The following FOCAD variants were observed in gnomAD, a reference collection of about 807,000 sequenced individuals.
The protein encoded by FOCAD is KIAA1797.
In FOCAD, 198 loss-of-function variants were observed where a neutral mutation model predicts 225.6. The observed-to-expected ratio is 0.88, with a 90% CI of 0.78 to 0.99. FOCAD has a LOEUF of 0.99. Ranked by LOEUF, FOCAD falls within the 50% of genes least tolerant of loss-of-function variation. FOCAD has a pLI of 0.00. For missense variants in FOCAD, 2,713 were observed against 2,123.6 expected, an observed-to-expected ratio of 1.28 and a Z score of -5.46; for synonymous variants, 897 against 755.0, an observed-to-expected ratio of 1.19 and a Z score of -3.08.
chr9:20,865,384 G>T (rs1164681043), intron 16 of FOCAD, among the ~76,000 whole-genome samples: 1 of 152,072 alleles, frequency 6.6e-6, no homozygotes, highest in Admixed American at 6.6e-5. Context: ...TGGCAATGAA[G>T]AAGACCACCG....
intron 10 of FOCAD, among the ~76,000 whole-genome samples, chr9:20,783,163 A>G (rs1389992541): frequency 6.6e-6 from 1 of 152,150 alleles, no homozygotes; most frequent in Non-Finnish European, 1.5e-5. Flanking sequence ...CCCCAACTCT[A>G]ATACATAAGT....
At chr9:20,768,825 C>T (rs1817869877) in intron 7 of FOCAD, among the ~76,000 whole-genome samples, 1 of 151,950 alleles carries the variant, frequency 6.6e-6, no homozygotes, top group Non-Finnish European at 1.5e-5. Context: ...CTTGTCACCT[C>T]ACATATTACC....
chr9:20,740,852 A>G (rs951390835), intron 5 of FOCAD, among the ~76,000 whole-genome samples: 1 of 152,226 alleles, frequency 6.6e-6, no homozygotes, highest in African/African-American at 2.4e-5. Context: ...AATAAAATAC[A>G]CACAGTAGCA....
intron 15 of FOCAD, among the ~76,000 whole-genome samples, chr9:20,843,181 G>A (rs1826718403): frequency 6.6e-6 from 1 of 151,970 alleles, no homozygotes; most frequent in African/African-American, 2.4e-5. Context: ...ATTTGTTTCT[G>A]TACTTACTAT....
At chr9:20,843,711 T>G (rs1308594659) in intron 15 of FOCAD, among the ~76,000 whole-genome samples, 1 of 152,144 alleles carries the variant, frequency 6.6e-6, no homozygotes, top group Non-Finnish European at 1.5e-5. Context: ...TCTTTCTTTC[T>G]ACCTCCTCTA....
At chr9:20,790,521 C>T (rs1820410182) in intron 11 of FOCAD, among the ~76,000 whole-genome samples, 1 of 152,126 alleles carries the variant, frequency 6.6e-6, no homozygotes, top group Non-Finnish European at 1.5e-5. Flanking sequence ...CCTGTAATCC[C>T]AGCACTTTGG....
intron 37 of FOCAD, among the ~76,000 whole-genome samples, 189 bp downstream of exon 37, chr9:20,978,643 A>AGTTCAGAACCTAAAG (rs1372823039): frequency 1.3e-5 from 2 of 152,242 alleles, no homozygotes; most frequent in Non-Finnish European, 2.9e-5. Context: ...CATAGCCATT[A>AGTTCAGAACCTAAAG]CCGTTCATGC....
At chr9:20,809,628 A>G (rs1822835966) in intron 11 of FOCAD, among the ~76,000 whole-genome samples, 1 of 152,118 alleles carries the variant, frequency 6.6e-6, no homozygotes, top group Non-Finnish European at 1.5e-5. Flanking sequence ...CTTTTGTCTT[A>G]CTTTTTGTCT....
intron 21 of FOCAD, among the ~76,000 whole-genome samples, chr9:20,893,399 A>G (rs993870269): frequency 1.3e-5 from 2 of 152,108 alleles, no homozygotes; most frequent in African/African-American, 4.8e-5. Flanking sequence ...CTTCCTGTGT[A>G]CATATAGTGG....
chr9:20,804,728 C>T (rs1442977664), intron 11 of FOCAD, among the ~76,000 whole-genome samples: 1 of 152,044 alleles, frequency 6.6e-6, no homozygotes, highest in Non-Finnish European at 1.5e-5. Flanking sequence ...ATTAGAGACT[C>T]TGGAGGACAT....
chr9:20,943,303 C>G (rs776264758), intron 28 of FOCAD, among the ~76,000 whole-genome samples: 2 of 152,118 alleles, frequency 1.3e-5, no homozygotes, highest in African/African-American at 4.8e-5. Flanking sequence ...AGCTTCTTTA[C>G]GAAGGATTTT....
At chr9:20,807,876 C>G (rs1026598084) in intron 11 of FOCAD, among the ~76,000 whole-genome samples, 1 of 151,998 alleles carries the variant, frequency 6.6e-6, no homozygotes. Flanking sequence ...ACAGTGAAAC[C>G]CTGTCTCTAA....
At chr9:20,987,206 A>G (rs1325856103) in intron 40 of FOCAD, among the ~76,000 whole-genome samples, 1 of 152,122 alleles carries the variant, frequency 6.6e-6, no homozygotes, top group Non-Finnish European at 1.5e-5. Context: ...ATTTTTAGGA[A>G]AAACTGACAA....
At chr9:20,901,387 A>G (rs891590441) in intron 21 of FOCAD, among the ~76,000 whole-genome samples, 47 of 151,884 alleles carry the variant, frequency 3.1e-4, no homozygotes, top group African/African-American at 1.1e-3. Context: ...GCAAATACTT[A>G]GTTTACTTGT....
At position 20,949,614 on chromosome 9, in the gene FOCAD, A is replaced by C; in HGVS notation, c.3887A>C (p.Glu1296Ala). 6.2e-7 allele frequency: 1 copy of C among 1,613,152 alleles called. No homozygotes were observed. The highest frequency in any genetic ancestry group is 8.5e-7 in the Non-Finnish European group (1 of 1,179,334). The part of the protein sequence containing the change: ...SEGDVMQLKS[E>A]AIQTSHFQGR... ...TTCTTATTCTTTCAGCTGAAATCAG[A>C]AGCCATCCAGACCTCTCATTTTCAA... Residue 1296 changes from glutamate (E) to alanine (A), a missense_variant, in exon 33 of 44, where the codon GAA becomes GCA. Coordinates refer to ENST00000338382, the MANE Select transcript of FOCAD (RefSeq NM_001375567.1).
chr9:20,883,195 A>T (rs1259303924), intron 20 of FOCAD, among the ~76,000 whole-genome samples: 3 of 152,210 alleles, frequency 2.0e-5, no homozygotes, highest in African/African-American at 7.2e-5. Context: ...TAAAGAAGTC[A>T]CTCTCTTTGG....
chr9:20,695,789 G>T, intron 1 of FOCAD, among the ~76,000 whole-genome samples: 1 of 152,210 alleles, frequency 6.6e-6, no homozygotes, highest in Non-Finnish European at 1.5e-5. Flanking sequence ...TTGGAAATTG[G>T]ATAGGACCTG....
chr9:20,923,823 T>TACCTAAAGCCAGGC, intron 25 of FOCAD, 55 bp downstream of exon 25: 1 of 1,375,828 alleles, frequency 7.3e-7, no homozygotes, highest in Non-Finnish European at 1.0e-6. Context: ...TAAGCCTGGC[T>TACCTAAAGCCAGGC]TTAGGTAGCC....
At chr9:20,962,417 C>CATACATACATACAT (rs1554743599) in intron 35 of FOCAD, among the ~76,000 whole-genome samples, 1 of 149,086 alleles carries the variant, frequency 6.7e-6, no homozygotes, top group Non-Finnish European at 1.5e-5. Flanking sequence ...TATACACACA[C>CATACATACATACAT]ACATACATAC....
Sources: gnomAD v4.1 joint callset for allele counts (sites outside exome capture counted in the v4.1 genomes callset) on GRCh38, gnomAD v4.1.1 for gene constraint, MANE v1.5 for transcripts, NCBI Gene and HGNC (gene_info 2026-07-23, HGNC 2026-07-21) for gene names.